FRZB: variants seen among roughly 807,000 people sequenced by gnomAD.
FRZB encodes the protein frizzled related protein.
In FRZB, 34 loss-of-function variants were observed where a neutral mutation model predicts 32.5. The observed-to-expected ratio is 1.05, with a 90% CI of 0.80 to 1.39. The LOEUF (loss-of-function observed/expected upper bound fraction) is 1.39, where lower values mean the gene tolerates loss of function less well. FRZB is among the 40% of genes most tolerant of loss of function. The pLI, the probability that FRZB is intolerant of heterozygous loss-of-function variation, is 0.00. For missense variants in FRZB, 423 were observed against 424.8 expected, an observed-to-expected ratio of 1.00 and a Z score of 0.04; for synonymous variants, 170 against 159.2, an observed-to-expected ratio of 1.07 and a Z score of -0.51.
Position 182,854,901 on chromosome 2 carries a change from G to A in FRZB, c.526+3885C>T, listed in dbSNP as rs1695751532. Reference sequence around the variant, plus strand: ...TGCAAGGGAGATCAGAGAGATAAAGGAGCCTGGGAAAGGATTTTGTAAAGT... The same window carrying A: ...TGCAAGGGAGATCAGAGAGATAAAGAAGCCTGGGAAAGGATTTTGTAAAGT... On this transcript the variant is annotated intron_variant, in intron 2 of 5. Coordinates refer to ENST00000295113, the MANE Select transcript of FRZB (RefSeq NM_001463.4). Among the ~76,000 whole-genome samples the A allele has an allele frequency of 2.0e-5, 3 of 152,188 alleles. No homozygotes were observed. The South Asian group carries it at 6.2e-4, about 32-fold the overall frequency.
At chr2:182,855,759 G>T (rs1695761281) in intron 2 of FRZB, among the ~76,000 whole-genome samples, 2 of 152,112 alleles carry the variant, frequency 1.3e-5, no homozygotes, top group South Asian at 4.2e-4. Context: ...CTCAAATTTG[G>T]CTAACATTAT....
chr2:182,839,167 T>C (rs1454343485), intron 3 of FRZB, among the ~76,000 whole-genome samples: 1 of 152,094 alleles, frequency 6.6e-6, no homozygotes, highest in African/African-American at 2.4e-5. Context: ...GGTTCTGCAA[T>C]CTTTTCACCT....
intron 1 of FRZB, among the ~76,000 whole-genome samples, chr2:182,860,403 G>A (rs1475783807): frequency 6.6e-6 from 1 of 152,118 alleles, no homozygotes. Context: ...GGGAAATACT[G>A]GAGATAAGAG....
In FRZB at chr2:182,866,274, C is replaced by T; in HGVS notation, c.279G>A (p.Ala93=). Residue 93 remains alanine (A), a synonymous_variant, in exon 1 of 6, where the codon GCG becomes GCA. Transcript: ENST00000295113. This position sits in a 1 kb window ranked among gnomAD's most constrained non-coding sequence, Gnocchi z 4.5. The part of the protein sequence containing the change: ...DLLFFLCAMY[A]PICTIDFQHE... ...GCTGGAAGTCAATGGTGCAGATGGG[C>T]GCGTACATGGCACAGAGGAAGAAGA... The T allele has an allele frequency of 6.2e-7, 1 of 1,614,164 alleles. No homozygotes were observed. The highest frequency in any genetic ancestry group is 1.1e-5 in the South Asian group (1 of 91,090).
chr2:182,859,840 T>C (rs1695811954), intron 1 of FRZB, among the ~76,000 whole-genome samples: 1 of 152,136 alleles, frequency 6.6e-6, no homozygotes, highest in African/African-American at 2.4e-5. Context: ...GATAAGCAAG[T>C]AACAAACACT....
chr2:182,834,586 G>A lies in FRZB; in HGVS notation c.*263C>T. 1 of 429,646 alleles carries A rather than the reference G, an allele frequency of 2.3e-6. No homozygotes were observed. Among genetic ancestry groups the A allele is most frequent in the Non-Finnish European group, 4.2e-6 (1 of 238,532 alleles). 26.6% of individuals were successfully genotyped at this position (429,646 alleles called of 1,614,324 possible). On this transcript the variant is annotated 3_prime_UTR_variant, in exon 6 of 6. Coordinates refer to ENST00000295113, the MANE Select transcript of FRZB (RefSeq NM_001463.4). Reference sequence around the variant, plus strand: ...ACAGCATGTTTAATTTATTATTATTGCAAAAGAACAGTTTTTCTCATGATT... The same window carrying A: ...ACAGCATGTTTAATTTATTATTATTACAAAAGAACAGTTTTTCTCATGATT...
Position 182,834,437 on chromosome 2 carries a change from G to A in FRZB, c.*412C>T, listed in dbSNP as rs1295941004. 1 of 175,690 alleles carries A rather than the reference G, an allele frequency of 5.7e-6. No homozygotes were observed. The highest frequency in any genetic ancestry group is 2.4e-5 in the African/African-American group (1 of 42,078). The allele number at this position is 175,690 out of a possible 1,614,324, so 10.9% of individuals were successfully genotyped here. On this transcript the variant is annotated 3_prime_UTR_variant, in exon 6 of 6. Transcript: ENST00000295113. The stretch of plus-strand genomic sequence containing the variant: ...GGCTGTAATTAGATCGGCAGAGTAT[G>A]TTTTAAGGCATATCTAGCTTTCTGT...
intron 4 of FRZB, 51 bp downstream of exon 4, chr2:182,838,358 G>A: frequency 6.9e-7 from 1 of 1,440,162 alleles, no homozygotes; most frequent in South Asian, 1.2e-5. Flanking sequence ...CAAATTTAAT[G>A]AGAGTAGGAT....
chr2:182,843,650 C>T (rs1037279721), intron 2 of FRZB, among the ~76,000 whole-genome samples: 4 of 152,008 alleles, frequency 2.6e-5, no homozygotes, highest in Non-Finnish European at 5.9e-5. Flanking sequence ...TGGGCACAAG[C>T]GCTCACGCCT....
At chr2:182,836,300 C>T (rs1488344036) in intron 5 of FRZB, among the ~76,000 whole-genome samples, 1 of 151,980 alleles carries the variant, frequency 6.6e-6, no homozygotes, top group East Asian at 1.9e-4. Context: ...CCATAAAACT[C>T]TTTTTACACA....
intron 1 of FRZB, among the ~76,000 whole-genome samples, 181 bp downstream of exon 1, chr2:182,865,891 GTTT>G (rs988405767): frequency 2.0e-5 from 3 of 152,086 alleles, no homozygotes; most frequent in African/African-American, 7.2e-5. Context: ...TAAGGTGAGG[GTTT>G]TTTTGTTTTT....
intron 2 of FRZB, among the ~76,000 whole-genome samples, chr2:182,845,702 A>C (rs943220637): frequency 1.3e-5 from 2 of 152,208 alleles, no homozygotes; most frequent in Non-Finnish European, 2.9e-5. Flanking sequence ...AATACCTTCA[A>C]TTGTGGGACA....
At chr2:182,865,372 T>C (rs756851011) in intron 1 of FRZB, among the ~76,000 whole-genome samples, 5 of 152,306 alleles carry the variant, frequency 3.3e-5, no homozygotes, top group Non-Finnish European at 4.4e-5. Context: ...GCCAGCTCTA[T>C]GGCAAGCCAC....
At chr2:182,852,719 A>G (rs1318745015) in intron 2 of FRZB, among the ~76,000 whole-genome samples, 1 of 152,226 alleles carries the variant, frequency 6.6e-6, no homozygotes, top group Non-Finnish European at 1.5e-5. Context: ...TTGATAGATC[A>G]AGTGACTAGG....
chr2:182,835,956 A>C (rs1291842933), intron 5 of FRZB, among the ~76,000 whole-genome samples: 1 of 152,160 alleles, frequency 6.6e-6, no homozygotes, highest in African/African-American at 2.4e-5. Flanking sequence ...GTTGGAACTG[A>C]TAATAGAATC....
chr2:182,866,466 C>T lies in FRZB; in HGVS notation c.87G>A (p.Gly29=), dbSNP rs756709071. The T allele has an allele frequency of 5.8e-6, 9 of 1,563,766 alleles. No individual in the cohort carries two copies. Among genetic ancestry groups the T allele is most frequent in the Admixed American group, 1.8e-5 (1 of 56,740 alleles). Residue 29 remains glycine (G), a synonymous_variant, in exon 1 of 6, where the codon GGG becomes GGA. Coordinates refer to ENST00000295113, the MANE Select transcript of FRZB (RefSeq NM_001463.4). This position sits in a 1 kb window ranked among gnomAD's most constrained non-coding sequence, Gnocchi z 4.5. ...LAALCLLRVP[G]ARAAACEPVR... is the part of the protein sequence containing the mutation. ...CGGGCTCACAGGCTGCAGCCCGAGC[C>T]CCGGGCACCCGGAGCAGGCAGAGAG...
intron 1 of FRZB, among the ~76,000 whole-genome samples, chr2:182,861,572 A>T (rs1284597199): frequency 2.0e-5 from 3 of 152,234 alleles, no homozygotes; most frequent in Non-Finnish European, 4.4e-5. Flanking sequence ...ATGAATGTCA[A>T]TGTCAAGCGA....
chr2:182,838,703 A>G (rs1695555192), intron 3 of FRZB, 90 bp from the exon 4 acceptor site: 2 of 1,017,872 alleles, frequency 2.0e-6, no homozygotes, highest in East Asian at 4.9e-5. Context: ...CTCTTTAGTT[A>G]ATTCTTATCC....
chr2:182,862,323 T>C (rs1014911191), intron 1 of FRZB, among the ~76,000 whole-genome samples: 2 of 152,186 alleles, frequency 1.3e-5, no homozygotes, highest in African/African-American at 4.8e-5. Flanking sequence ...ACTGTAGGTG[T>C]TGTGGAAATA....
Sources: gnomAD v4.1 joint callset for allele counts (sites outside exome capture counted in the v4.1 genomes callset) on GRCh38, gnomAD v4.1.1 for gene constraint, Gnocchi (gnomAD v3.1) non-coding constraint, MANE v1.5 for transcripts, NCBI Gene and HGNC (gene_info 2026-07-23, HGNC 2026-07-21) for gene names.